MTUS2: variants seen among roughly 807,000 people sequenced by gnomAD.
The protein encoded by MTUS2 is microtubule associated scaffold protein 2, also known as microtubule-associated tumor suppressor candidate 2.
MTUS2 carries 40 observed loss-of-function variants against 114.1 expected under a neutral mutation model. The observed-to-expected ratio is 0.35, with a 90% CI of 0.27 to 0.46. MTUS2 has a LOEUF of 0.46. Among genes scored for constraint, MTUS2 ranks in the 20% least tolerant of loss-of-function variants. MTUS2 has a pLI of 1.00. For missense variants in MTUS2, 1,679 were observed against 1,705.4 expected (o/e 0.98, Z 0.27); for synonymous variants, 688 against 672.0 (o/e 1.02, Z -0.37).
intron 6 of MTUS2, among the ~76,000 whole-genome samples, chr13:29,297,423 A>T (rs1296967764): frequency 3.3e-5 from 5 of 152,194 alleles, no homozygotes; most frequent in Admixed American, 3.3e-4. Flanking sequence ...ATGCTCAAGG[A>T]AGCTGTAGTT....
intron 5 of MTUS2, among the ~76,000 whole-genome samples, chr13:29,216,249 G>C (rs972817451): frequency 1.3e-5 from 2 of 152,228 alleles, no homozygotes; most frequent in Non-Finnish European, 2.9e-5. Flanking sequence ...GAGTGTCCCA[G>C]GTCGATTCAG....
chr13:29,001,663 A>T (rs1356121408), intron 2 of MTUS2, among the ~76,000 whole-genome samples: 1 of 152,172 alleles, frequency 6.6e-6, no homozygotes, highest in Non-Finnish European at 1.5e-5. Context: ...GGCCCCCCCA[A>T]AATGTCCATA....
intron 8 of MTUS2, among the ~76,000 whole-genome samples, chr13:29,385,628 C>G (rs1872581140): frequency 1.1e-5 from 1 of 90,838 alleles, no homozygotes; most frequent in African/African-American, 3.4e-5. Context: ...GCTGCTGCTG[C>G]TGAGCCCTTC....
chr13:29,479,134 G>C (rs947808485), intron 9 of MTUS2, among the ~76,000 whole-genome samples: 2 of 152,172 alleles, frequency 1.3e-5, no homozygotes. Flanking sequence ...ATCAGCACCT[G>C]TACCTGCTCA....
intron 4 of MTUS2, among the ~76,000 whole-genome samples, chr13:29,068,247 T>C (rs1366254154): frequency 6.6e-6 from 1 of 152,256 alleles, no homozygotes. Flanking sequence ...ATTATTGAAA[T>C]GGACATTGGC....
intron 5 of MTUS2, among the ~76,000 whole-genome samples, chr13:29,177,661 A>G (rs112690118): frequency 5.9e-5 from 9 of 152,324 alleles, no homozygotes; most frequent in African/African-American, 2.2e-4. Context: ...AATTGGTTCA[A>G]AAAAACAGGT....
chr13:29,407,171 C>G (rs1874821574), intron 8 of MTUS2, among the ~76,000 whole-genome samples: 2 of 151,818 alleles, frequency 1.3e-5, no homozygotes, highest in African/African-American at 2.4e-5. Flanking sequence ...GCTTGAACAC[C>G]AGAGGCAGGG....
In MTUS2 at chr13:29,257,498, T is replaced by C. The variant is rs145082181; in HGVS notation, c.2645-24206T>C. On this transcript the variant is annotated intron_variant, in intron 5 of 15. Coordinates refer to ENST00000612955, the MANE Select transcript of MTUS2 (RefSeq NM_001033602.4). Reference sequence around the variant, plus strand: ...CCCAGGTAGAGCGAATAAAAAATCATGATATATTCACAGCATGATCAACAA... The same window carrying C: ...CCCAGGTAGAGCGAATAAAAAATCACGATATATTCACAGCATGATCAACAA... Among the ~76,000 whole-genome samples the C allele has an allele frequency of 2.1e-3, 322 of 152,274 alleles. 1 individual carries two copies. The highest frequency in any genetic ancestry group is 7.3e-3 in the African/African-American group (304 of 41,542).
At chr13:29,502,930 C>T in intron 15 of MTUS2, 63 bp from the exon 16 acceptor site, 3 of 1,539,944 alleles carry the variant, frequency 1.9e-6, no homozygotes, top group Non-Finnish European at 2.7e-6. Flanking sequence ...GCACCATTGT[C>T]CTGACCTCAG....
At chr13:29,180,999 C>A (rs1180946308) in intron 5 of MTUS2, among the ~76,000 whole-genome samples, 1 of 152,066 alleles carries the variant, frequency 6.6e-6, no homozygotes, top group Admixed American at 6.5e-5. Context: ...AATTATCTTG[C>A]CTGTTGAACT....
chr13:29,238,859 T>G (rs73449379), intron 5 of MTUS2, among the ~76,000 whole-genome samples: 3,799 of 152,282 alleles, frequency 0.025, 158 homozygotes, highest in African/African-American at 0.086. Flanking sequence ...CAGACACATG[T>G]GACAAATGCT....
intron 2 of MTUS2, among the ~76,000 whole-genome samples, chr13:28,998,180 G>A (rs968974451): frequency 6.6e-6 from 1 of 152,048 alleles, no homozygotes. Context: ...GAAATTCTGG[G>A]TTGAAAATTC....
intron 5 of MTUS2, among the ~76,000 whole-genome samples, chr13:29,145,672 AC>A (rs773826556): frequency 6.6e-4 from 100 of 150,956 alleles, no homozygotes; most frequent in Admixed American, 1.4e-3. Flanking sequence ...TACCCCACCC[AC>A]CCCTGCCACC....
At chr13:29,456,360 A>G (rs934789199) in intron 9 of MTUS2, among the ~76,000 whole-genome samples, 1 of 152,204 alleles carries the variant, frequency 6.6e-6, no homozygotes, top group Non-Finnish European at 1.5e-5. Flanking sequence ...GATCTGTGGG[A>G]CTATAGCAAC....
intron 7 of MTUS2, among the ~76,000 whole-genome samples, chr13:29,337,094 T>C (rs1184700452): frequency 6.6e-6 from 1 of 152,150 alleles, no homozygotes; most frequent in Non-Finnish European, 1.5e-5. Flanking sequence ...GGGGATGGGT[T>C]CTGCTGAGCT....
At chr13:28,928,903 G>C (rs1242066295) in intron 2 of MTUS2, among the ~76,000 whole-genome samples, 1 of 152,194 alleles carries the variant, frequency 6.6e-6, no homozygotes, top group Non-Finnish European at 1.5e-5. Context: ...CCACAGATAT[G>C]TGTGCGTATG....
At chr13:29,243,205 CAG>C (rs906098560) in intron 5 of MTUS2, among the ~76,000 whole-genome samples, 25 of 152,248 alleles carry the variant, frequency 1.6e-4, no homozygotes, top group South Asian at 8.3e-4. Flanking sequence ...GGATGCCACT[CAG>C]GGGAGAGTGT....
intron 2 of MTUS2, among the ~76,000 whole-genome samples, chr13:28,841,796 C>G (rs1038487381): frequency 6.6e-6 from 1 of 152,020 alleles, no homozygotes. Context: ...AAGCGATTCT[C>G]CTGTCTCAGC....
intron 2 of MTUS2, among the ~76,000 whole-genome samples, chr13:28,918,679 A>G (rs955388844): frequency 1.3e-5 from 2 of 151,880 alleles, no homozygotes; most frequent in Admixed American, 1.3e-4. Context: ...ATTTAATGTT[A>G]TTATTTATAA....
Sources: gnomAD v4.1 joint callset for allele counts (sites outside exome capture counted in the v4.1 genomes callset) on GRCh38, gnomAD v4.1.1 for gene constraint, MANE v1.5 for transcripts, NCBI Gene and HGNC (gene_info 2026-07-23, HGNC 2026-07-21) for gene names.